The following COG4 variants were observed in gnomAD, a reference collection of about 807,000 sequenced individuals.
COG4 encodes component of oligomeric golgi complex 4, also known as conserved oligomeric Golgi complex subunit 4.
A neutral mutation model predicts 95.1 loss-of-function variants in COG4; 65 were observed. The observed-to-expected ratio is 0.68, with a 90% CI of 0.56 to 0.84. The LOEUF (loss-of-function observed/expected upper bound fraction) is 0.84. Ranked by LOEUF, COG4 falls within the 40% of genes least tolerant of loss-of-function variation. The pLI is 0.00. For missense variants in COG4, 1,045 were observed against 989.1 expected (o/e 1.06, Z -0.76); for synonymous variants, 421 against 374.8 (o/e 1.12, Z -1.42).
chr16:70,483,434 A>G (rs1189276820), intron 14 of COG4, among the ~76,000 whole-genome samples: 1 of 151,364 alleles, frequency 6.6e-6, no homozygotes, highest in Non-Finnish European at 1.5e-5. Context: ...AGCCAGGAAC[A>G]TGCCCCTTTC....
At position 70,481,360 on chromosome 16, in the gene COG4, C is replaced by T. The variant is rs778083356; in HGVS notation, c.2234G>A (p.Arg745Gln). The change falls in exon 18 of 19, where the codon CGG (arginine) becomes CAG (glutamine). Residue 745 changes from arginine (R) to glutamine (Q), a missense_variant and splice_region_variant. Arg to Gln is a conservative substitution (Grantham distance 43). Coordinates refer to ENST00000323786, the MANE Select transcript of COG4 (RefSeq NM_015386.3). Reference protein sequence around the residue: ...SQMATILNLERVTEILDYWGP... With the variant: ...SQMATILNLEQVTEILDYWGP... ...CTGGGCCAAGGGTGCCCCACCTACC[C>T]GCTCCAGATTGAGGATGGTGGCCAT... The T allele has an allele frequency of 1.6e-5, 26 of 1,612,634 alleles. No individual in the cohort carries two copies. Among genetic ancestry groups the T allele is most frequent in the Admixed American group, 3.3e-5 (2 of 59,972 alleles).
intron 9 of COG4, among the ~76,000 whole-genome samples, chr16:70,498,727 C>T (rs1313394858): frequency 6.6e-6 from 1 of 152,240 alleles, no homozygotes; most frequent in Non-Finnish European, 1.5e-5. Context: ...CTGGAGATAA[C>T]AGAATATCAC....
At chr16:70,507,431 G>C (rs1302760104) in intron 8 of COG4, among the ~76,000 whole-genome samples, 2 of 152,192 alleles carry the variant, frequency 1.3e-5, no homozygotes, top group South Asian at 4.1e-4. Context: ...ATGGTATTCA[G>C]TATAGTAATA....
intron 1 of COG4, 133 bp downstream of exon 1, chr16:70,523,240 A>C (rs1324911513): frequency 1.8e-6 from 2 of 1,093,848 alleles, no homozygotes; most frequent in African/African-American, 3.1e-5. Context: ...ATACCCGACT[A>C]GCTTCCGCTT....
At chr16:70,515,819 T>A (rs1363460569) in intron 3 of COG4, 2 of 325,266 alleles carry the variant, frequency 6.1e-6, no homozygotes, top group Non-Finnish European at 1.2e-5. Flanking sequence ...AAGTATGATA[T>A]TAGCTGAGGG....
chr16:70,516,063 T>C, intron 3 of COG4: 1 of 456,028 alleles, frequency 2.2e-6, no homozygotes. Flanking sequence ...GATATTGAAT[T>C]TTGTTAAATG....
At chr16:70,498,422 A>G (rs1169044933) in intron 9 of COG4, among the ~76,000 whole-genome samples, 1 of 151,578 alleles carries the variant, frequency 6.6e-6, no homozygotes, top group Admixed American at 6.6e-5. Flanking sequence ...CCTGCCTCCC[A>G]GGTTCAAACA....
In COG4 at chr16:70,501,258, T is replaced by C; in HGVS notation, c.1062-167A>G. On this transcript the variant is annotated intron_variant, in intron 8 of 18. Coordinates refer to ENST00000323786, the MANE Select transcript of COG4 (RefSeq NM_015386.3). ...TGGCCCAATTAGAATCAGAGATAGC[T>C]GTCAATCACATTTTCCATTTACCTG... The C allele has an allele frequency of 4.4e-6, 3 of 674,548 alleles. No individual in the cohort carries two copies. The South Asian group carries it at 5.2e-5, about 12-fold the overall frequency. 41.8% of individuals were successfully genotyped at this position (674,548 alleles called of 1,614,324 possible). A position where few individuals can be genotyped will look rare whatever the true frequency, so the allele number is the denominator to read the frequency against.
At chr16:70,487,422 C>T (rs1325894869) in intron 13 of COG4, among the ~76,000 whole-genome samples, 1 of 152,054 alleles carries the variant, frequency 6.6e-6, no homozygotes, top group African/African-American at 2.4e-5. Flanking sequence ...CATGGCAAAA[C>T]CCCATCCCTA....
intron 17 of COG4, 85 bp from the exon 18 acceptor site, chr16:70,481,572 G>GC: frequency 5.7e-6 from 9 of 1,585,490 alleles, no homozygotes; most frequent in Non-Finnish European, 5.2e-6. Context: ...GGGTGGCAAG[G>GC]CCCGCCAGGC....
chr16:70,480,854 G>C lies in COG4; in HGVS notation c.*156C>G, dbSNP rs142556477. 3.2e-4 allele frequency: 268 copies of C among 832,276 alleles called. No individual in the cohort carries two copies. The Middle Eastern group carries it at 4.7e-3, about 14-fold the overall frequency. The allele number at this position is 832,276 out of a possible 1,614,324, so 51.6% of individuals were successfully genotyped here. ...TGGCCAGGTCTGAGGGCAGAGCATG[G>C]AGTGGGTCCAGACTTTGTTTCTCTG... is the stretch of plus-strand genomic sequence containing the variant. On this transcript the variant is annotated 3_prime_UTR_variant, in exon 19 of 19. Transcript: ENST00000323786.
intron 8 of COG4, among the ~76,000 whole-genome samples, chr16:70,507,560 A>C (rs2151756951): frequency 6.6e-6 from 1 of 152,196 alleles, no homozygotes; most frequent in South Asian, 2.1e-4. Context: ...TGTATTTCTC[A>C]GAATGTACTC....
intron 5 of COG4, among the ~76,000 whole-genome samples, chr16:70,511,373 C>T (rs904581473): frequency 2.6e-5 from 4 of 152,136 alleles, no homozygotes; most frequent in Middle Eastern, 3.4e-3. Context: ...TTTTTCTTAA[C>T]GGCATAATAA....
chr16:70,513,351 A>G (rs185539348), intron 4 of COG4, among the ~76,000 whole-genome samples: 1 of 152,280 alleles, frequency 6.6e-6, no homozygotes, highest in African/African-American at 2.4e-5. Context: ...AGTGCAAAGA[A>G]CCCGCTGGCC....
At chr16:70,491,089 A>T (rs13330945) in intron 12 of COG4, among the ~76,000 whole-genome samples, 13,453 of 152,226 alleles carry the variant, frequency 0.088, 1,920 homozygotes, top group African/African-American at 0.3. Flanking sequence ...CATTCATTAA[A>T]GAAAAGCTTC....
At chr16:70,497,454 G>T in intron 10 of COG4, 67 bp from the exon 11 acceptor site, 1 of 1,491,476 alleles carries the variant, frequency 6.7e-7, no homozygotes, top group Non-Finnish European at 9.3e-7. Flanking sequence ...ATGATTCTGG[G>T]TACACTGGCC....
At chr16:70,499,175 A>AT (rs563645212) in intron 9 of COG4, among the ~76,000 whole-genome samples, 20 of 149,130 alleles carry the variant, frequency 1.3e-4, no homozygotes, top group East Asian at 3.9e-4. Flanking sequence ...GGAACTGAAT[A>AT]TTTTTTTTTT....
intron 12 of COG4, among the ~76,000 whole-genome samples, chr16:70,491,799 C>T (rs373778553): frequency 3.1e-5 from 4 of 129,900 alleles, no homozygotes; most frequent in Non-Finnish European, 4.7e-5. Flanking sequence ...ACTCTAGCCT[C>T]GGTGACAAGA....
intron 2 of COG4, among the ~76,000 whole-genome samples, chr16:70,518,977 CAAA>C (rs745760936): frequency 2.6e-5 from 3 of 113,288 alleles, no homozygotes; most frequent in Non-Finnish European, 4.0e-5. Context: ...AGCTCCATCT[CAAA>C]AAAAAAAAAA....
Sources: gnomAD v4.1 joint callset for allele counts (sites outside exome capture counted in the v4.1 genomes callset) on GRCh38, gnomAD v4.1.1 for gene constraint, MANE v1.5 for transcripts, NCBI Gene and HGNC (gene_info 2026-07-23, HGNC 2026-07-21) for gene names.